The following ARHGAP26 variants were observed in gnomAD, a reference collection of about 807,000 sequenced individuals.
The protein encoded by ARHGAP26 is rho GTPase-activating protein 26.
A neutral mutation model predicts 104.8 loss-of-function variants in ARHGAP26; 38 were observed. That is an observed-to-expected ratio of 0.36 (90% CI 0.28 to 0.48). ARHGAP26 has a LOEUF of 0.48. Ranked by LOEUF, ARHGAP26 falls within the 20% of genes least tolerant of loss-of-function variation. The pLI is 0.99. For synonymous variants in ARHGAP26, 341 were observed against 340.0 expected (o/e 1.00, Z -0.03); for missense variants, 704 against 947.9 (o/e 0.74, Z 3.38).
chr5:143,038,684 C>CTTTTTTTTTTT (rs60428049), intron 13 of ARHGAP26, among the ~76,000 whole-genome samples: 1 of 64,384 alleles, frequency 1.6e-5, no homozygotes, highest in Non-Finnish European at 2.6e-5. Context: ...GACATACGGC[C>CTTTTTTTTTTT]TTTTTTTTTT....
At chr5:143,031,765 G>T (rs1781913081) in intron 12 of ARHGAP26, among the ~76,000 whole-genome samples, 2 of 151,980 alleles carry the variant, frequency 1.3e-5, no homozygotes, top group Non-Finnish European at 2.9e-5. Flanking sequence ...GTCTTGCCCA[G>T]GCTGGAGTGC....
At chr5:142,781,245 T>C (rs1757441493) in intron 1 of ARHGAP26, among the ~76,000 whole-genome samples, 1 of 152,198 alleles carries the variant, frequency 6.6e-6, no homozygotes, top group Non-Finnish European at 1.5e-5. Flanking sequence ...TCTGTTATTT[T>C]TGCCCCACCT....
intron 1 of ARHGAP26, among the ~76,000 whole-genome samples, chr5:142,839,624 G>T (rs1408237763): frequency 6.6e-6 from 1 of 152,090 alleles, no homozygotes; most frequent in Admixed American, 6.5e-5. Context: ...CCTCATATAG[G>T]TAAAATAATC....
At chr5:142,880,686 C>A (rs186337711) in intron 4 of ARHGAP26, among the ~76,000 whole-genome samples, 1 of 152,014 alleles carries the variant, frequency 6.6e-6, no homozygotes, top group Non-Finnish European at 1.5e-5. Flanking sequence ...CGGTCTCTTA[C>A]GCCACCTGCA....
chr5:143,068,463 A>T (rs1562364338), intron 17 of ARHGAP26, among the ~76,000 whole-genome samples: 1 of 152,162 alleles, frequency 6.6e-6, no homozygotes, highest in Non-Finnish European at 1.5e-5. Flanking sequence ...GCGACAGGGG[A>T]ACCCAGTGCT....
At chr5:143,038,760 G>A (rs245823) in intron 13 of ARHGAP26, among the ~76,000 whole-genome samples, 143,556 of 145,284 alleles carry the variant, frequency 0.99, 71,154 homozygotes, top group Middle Eastern at 1. Flanking sequence ...CAGTAATGCA[G>A]TCTCGGTTCA....
intron 18 of ARHGAP26, among the ~76,000 whole-genome samples, chr5:143,133,121 A>T (rs1160754211): frequency 6.6e-6 from 1 of 152,166 alleles, no homozygotes; most frequent in East Asian, 1.9e-4. Context: ...AGTCTGCCAT[A>T]CTTTTATCTG....
chr5:143,156,448 G>C (rs944677627), intron 20 of ARHGAP26, among the ~76,000 whole-genome samples: 16 of 152,104 alleles, frequency 1.1e-4, no homozygotes, highest in African/African-American at 3.9e-4. Context: ...TGTGGTCCTG[G>C]GACCAGCATC....
chr5:143,198,099 A>G (rs1372561373), intron 20 of ARHGAP26, among the ~76,000 whole-genome samples: 1 of 152,202 alleles, frequency 6.6e-6, no homozygotes, highest in East Asian at 1.9e-4. Flanking sequence ...ACAACGAAAG[A>G]TTGGATGTAG....
Position 143,227,858 on chromosome 5 carries a change from G to T in ARHGAP26, c.*5412G>T. On this transcript the variant is annotated 3_prime_UTR_variant, in exon 23 of 23. Transcript: ENST00000645722. Reference sequence around the variant, plus strand: ...GGATAAATATTATGCTTACTGAGGAGAAAAAAAAAAGCGATCACAGAAAAA... The same window carrying T: ...GGATAAATATTATGCTTACTGAGGATAAAAAAAAAAGCGATCACAGAAAAA... 2 of 203,282 alleles carry T rather than the reference G, an allele frequency of 9.8e-6. No individual in the cohort carries two copies. Among genetic ancestry groups the T allele is most frequent in the Admixed American group, 6.1e-5 (1 of 16,418 alleles). 12.6% of individuals were successfully genotyped at this position (203,282 alleles called of 1,614,324 possible).
intron 11 of ARHGAP26, among the ~76,000 whole-genome samples, chr5:142,979,752 G>A (rs895023942): frequency 5.3e-5 from 8 of 152,256 alleles, no homozygotes; most frequent in African/African-American, 1.7e-4. Context: ...GTCTCACTGT[G>A]AGCCCAATCC....
At chr5:142,868,326 C>G (rs1315587837) in intron 1 of ARHGAP26, among the ~76,000 whole-genome samples, 1 of 152,144 alleles carries the variant, frequency 6.6e-6, no homozygotes, top group Non-Finnish European at 1.5e-5. Context: ...GTGGGGAGGC[C>G]AGACCCTGCA....
chr5:143,177,775 T>C (rs1803696609), intron 20 of ARHGAP26, among the ~76,000 whole-genome samples: 1 of 152,202 alleles, frequency 6.6e-6, no homozygotes, highest in South Asian at 2.1e-4. Context: ...CTTCTCTGAT[T>C]CCTGCTCTAA....
At chr5:143,002,204 CGTT>C (rs1158822379) in intron 11 of ARHGAP26, among the ~76,000 whole-genome samples, 6 of 152,100 alleles carry the variant, frequency 3.9e-5, no homozygotes, top group Non-Finnish European at 8.8e-5. Context: ...ACTCTCTGCC[CGTT>C]GTTTCTCCTG....
intron 11 of ARHGAP26, among the ~76,000 whole-genome samples, chr5:142,986,256 A>G (rs1039430090): frequency 1.3e-5 from 2 of 152,210 alleles, no homozygotes; most frequent in Non-Finnish European, 2.9e-5. Context: ...TCTGATGGCC[A>G]GTGATGATGA....
chr5:142,943,226 G>C (rs2152563802), intron 11 of ARHGAP26, among the ~76,000 whole-genome samples: 1 of 152,334 alleles, frequency 6.6e-6, no homozygotes, highest in East Asian at 1.9e-4. Context: ...ATTAAAGTAT[G>C]GTTGGCTTGG....
intron 1 of ARHGAP26, among the ~76,000 whole-genome samples, chr5:142,855,071 G>T (rs1006949452): frequency 1.3e-5 from 2 of 151,990 alleles, no homozygotes; most frequent in Admixed American, 1.3e-4. Flanking sequence ...GATAAAAGAA[G>T]AATCACAAAA....
chr5:142,823,615 A>G (rs938162179), intron 1 of ARHGAP26, among the ~76,000 whole-genome samples: 1 of 152,216 alleles, frequency 6.6e-6, no homozygotes, highest in Non-Finnish European at 1.5e-5. Flanking sequence ...ACTATAAGAA[A>G]AAAAAAATCC....
intron 5 of ARHGAP26, among the ~76,000 whole-genome samples, chr5:142,890,498 G>T (rs1758506426): frequency 6.6e-6 from 1 of 151,740 alleles, no homozygotes. Flanking sequence ...GCAGACCATG[G>T]TAGAGGCCAT....
Sources: gnomAD v4.1 joint callset for allele counts (sites outside exome capture counted in the v4.1 genomes callset) on GRCh38, gnomAD v4.1.1 for gene constraint, MANE v1.5 for transcripts, NCBI Gene and HGNC (gene_info 2026-07-23, HGNC 2026-07-21) for gene names.